Variants in PTPRG observed in about 807,000 individuals in gnomAD.
The protein encoded by PTPRG is receptor-type tyrosine-protein phosphatase gamma.
A neutral mutation model predicts 165.3 loss-of-function variants in PTPRG; 102 were observed. The observed-to-expected ratio is 0.62, with a 90% CI of 0.53 to 0.73. The LOEUF is 0.73. PTPRG is among the 30% of genes least tolerant of loss of function. The probability of loss-of-function intolerance (pLI) is 0.00; values close to 1 mark genes in which losing one functional copy is unlikely to be tolerated. For missense variants in PTPRG, 1,866 were observed against 1,861.4 expected, an observed-to-expected ratio of 1.00 and a Z score of -0.05; for synonymous variants, 675 against 669.5, an observed-to-expected ratio of 1.01 and a Z score of -0.13.
chr3:62,139,317 GGCT>G (rs1703835468), intron 6 of PTPRG, among the ~76,000 whole-genome samples: 2 of 152,038 alleles, frequency 1.3e-5, no homozygotes, highest in South Asian at 4.2e-4. Context: ...AAATTAACCA[GGCT>G]TGGTGGCGGG....
At chr3:61,724,264 T>C (rs1227262313) in intron 1 of PTPRG, among the ~76,000 whole-genome samples, 2 of 149,942 alleles carry the variant, frequency 1.3e-5, no homozygotes, top group Admixed American at 1.3e-4. Context: ...ATAATATGTA[T>C]ATAGTGTGTG....
chr3:61,725,576 C>T (rs1392984937), intron 1 of PTPRG, among the ~76,000 whole-genome samples: 1 of 152,062 alleles, frequency 6.6e-6, no homozygotes, highest in Non-Finnish European at 1.5e-5. Context: ...ATGCCTGAAT[C>T]TCAGCCTATA....
At chr3:62,010,016 C>T (rs2041381538) in intron 4 of PTPRG, among the ~76,000 whole-genome samples, 1 of 152,198 alleles carries the variant, frequency 6.6e-6, no homozygotes. Flanking sequence ...TTCCTGGGCT[C>T]AACCGGTTCT....
intron 27 of PTPRG, among the ~76,000 whole-genome samples, chr3:62,282,520 T>A (rs1268502923): frequency 1.3e-5 from 2 of 150,332 alleles, no homozygotes; most frequent in African/African-American, 4.9e-5. Flanking sequence ...TGAACCACTA[T>A]GCCTAGCCAT....
intron 7 of PTPRG, among the ~76,000 whole-genome samples, chr3:62,164,182 A>C (rs1219030088): frequency 1.3e-5 from 2 of 152,226 alleles, no homozygotes; most frequent in African/African-American, 4.8e-5. Context: ...ATATTGCACA[A>C]CTCTAGGGGA....
At chr3:61,865,524 C>G (rs1323532557) in intron 2 of PTPRG, among the ~76,000 whole-genome samples, 2 of 152,196 alleles carry the variant, frequency 1.3e-5, no homozygotes, top group African/African-American at 4.8e-5. Context: ...GCATCATTCC[C>G]TATCACCCTA....
At chr3:62,166,158 A>G (rs1397582199) in intron 7 of PTPRG, among the ~76,000 whole-genome samples, 5 of 78,438 alleles carry the variant, frequency 6.4e-5, no homozygotes, top group East Asian at 4.2e-4. Context: ...TTCTTCTCCT[A>G]TTAGTATTTT....
In PTPRG at chr3:62,179,996, A is replaced by G. The variant is rs536878937; in HGVS notation, c.1034-11473A>G. Among the ~76,000 whole-genome samples, 232 of 152,340 alleles carry G rather than the reference A, an allele frequency of 1.5e-3. 1 individual carries two copies. In the Middle Eastern group the frequency reaches 0.065, roughly 42 times the overall value. On this transcript the variant is annotated intron_variant, in intron 8 of 29. Transcript: ENST00000474889. ...GATGCAGAGTTAACAGGTAAATGCC[A>G]TGCGTGAGCCAGGACACTACTTTTA... is the stretch of plus-strand genomic sequence containing the variant.
At chr3:61,984,102 G>C (rs185021538) in intron 2 of PTPRG, among the ~76,000 whole-genome samples, 36 of 152,222 alleles carry the variant, frequency 2.4e-4, no homozygotes, top group Admixed American at 2.0e-3. Flanking sequence ...ATCTCCAATT[G>C]TGTGATTTAT....
chr3:61,707,918 A>T (rs1460829021), intron 1 of PTPRG, among the ~76,000 whole-genome samples: 1 of 152,044 alleles, frequency 6.6e-6, no homozygotes, highest in African/African-American at 2.4e-5. Flanking sequence ...CCTCCCGAGT[A>T]CCTGGGACTA....
intron 2 of PTPRG, among the ~76,000 whole-genome samples, chr3:61,813,293 C>T (rs1477358235): frequency 7.1e-6 from 1 of 141,384 alleles, no homozygotes; most frequent in African/African-American, 2.7e-5. Context: ...GTCAGGAGAC[C>T]AGCCTGGTTA....
intron 4 of PTPRG, among the ~76,000 whole-genome samples, chr3:62,055,608 G>C (rs1028679007): frequency 2.0e-5 from 3 of 152,206 alleles, no homozygotes; most frequent in Non-Finnish European, 4.4e-5. Flanking sequence ...TTGTCTTACA[G>C]TTCTGGAGGC....
intron 2 of PTPRG, among the ~76,000 whole-genome samples, chr3:61,862,729 A>G (rs779770732): frequency 6.6e-6 from 1 of 152,152 alleles, no homozygotes; most frequent in Non-Finnish European, 1.5e-5. Context: ...AGCTGCATAC[A>G]GTTCCCTTTC....
chr3:61,719,765 ATCAC>A (rs1490598324), intron 1 of PTPRG, among the ~76,000 whole-genome samples: 2 of 152,178 alleles, frequency 1.3e-5, no homozygotes, highest in Non-Finnish European at 2.9e-5. Flanking sequence ...GAGTCTGATC[ATCAC>A]TCACTCACTC....
chr3:62,122,298 G>A (rs1218277245), intron 5 of PTPRG, among the ~76,000 whole-genome samples: 1 of 152,176 alleles, frequency 6.6e-6, no homozygotes, highest in Non-Finnish European at 1.5e-5. Flanking sequence ...ATGACAAGGA[G>A]CTTAAGTTTC....
At chr3:61,604,519 A>G (rs1700948639) in intron 1 of PTPRG, among the ~76,000 whole-genome samples, 1 of 152,192 alleles carries the variant, frequency 6.6e-6, no homozygotes, top group South Asian at 2.1e-4. Flanking sequence ...GTGGCTTACT[A>G]TGCATCAGGT....
chr3:61,720,979 T>C (rs1166659776), intron 1 of PTPRG, among the ~76,000 whole-genome samples: 1 of 152,268 alleles, frequency 6.6e-6, no homozygotes, highest in Non-Finnish European at 1.5e-5. Context: ...GTAATTTTAA[T>C]TTATTGTCTG....
intron 4 of PTPRG, among the ~76,000 whole-genome samples, chr3:62,032,726 C>A (rs1699810170): frequency 6.6e-6 from 1 of 152,144 alleles, no homozygotes; most frequent in Admixed American, 6.5e-5. Context: ...GACAGGATTT[C>A]AGGAGTGACA....
chr3:61,605,170 G>C (rs1186994293), intron 1 of PTPRG, among the ~76,000 whole-genome samples: 2 of 152,192 alleles, frequency 1.3e-5, no homozygotes, highest in African/African-American at 4.8e-5. Context: ...AGTTAGTTAA[G>C]TACTGAGAGA....
Sources: gnomAD v4.1 joint callset for allele counts (sites outside exome capture counted in the v4.1 genomes callset) on GRCh38, gnomAD v4.1.1 for gene constraint, MANE v1.5 for transcripts, NCBI Gene and HGNC (gene_info 2026-07-23, HGNC 2026-07-21) for gene names.